The following COL11A2 variants were observed in gnomAD, a reference collection of about 807,000 sequenced individuals.
COL11A2 encodes collagen type XI alpha 2 chain.
In COL11A2, 116 loss-of-function variants were observed where a neutral mutation model predicts 273.4. The observed-to-expected ratio is 0.42, with a 90% CI of 0.36 to 0.49. The LOEUF is 0.49. Among genes scored for constraint, COL11A2 ranks in the 20% least tolerant of loss-of-function variants. COL11A2 has a pLI of 0.00. For missense variants in COL11A2, 1,866 were observed against 2,309.0 expected (o/e 0.81, Z 3.93); for synonymous variants, 782 against 864.2 (o/e 0.90, Z 1.67).
chr6:33,180,443 T>C, intron 11 of COL11A2, 111 bp from the exon 12 acceptor site: 6 of 1,069,266 alleles, frequency 5.6e-6, no homozygotes, highest in Non-Finnish European at 8.3e-6. Flanking sequence ...TTGCTCTAGC[T>C]CTTTCCTGAG....
Position 33,177,853 on chromosome 6 carries a change from G to T in COL11A2, c.1873-147C>A. ...AACACAGCTGGCCCAGGCCTGCAGTGTGTGGGACTGTGGATCTGTGGGCTT... is the reference window on the plus strand; with the variant it reads ...AACACAGCTGGCCCAGGCCTGCAGTTTGTGGGACTGTGGATCTGTGGGCTT... On this transcript the variant is annotated intron_variant, in intron 21 of 65. Transcript: ENST00000341947. The surrounding 1 kb of genome is among the most constrained non-coding windows in gnomAD (Gnocchi z 5.9). The T allele has an allele frequency of 1.1e-6, 1 of 886,252 alleles. No homozygotes were observed. Among genetic ancestry groups the T allele is most frequent in the Non-Finnish European group, 1.8e-6 (1 of 545,926 alleles). The allele number at this position is 886,252 out of a possible 1,614,324, so 54.9% of individuals were successfully genotyped here. A position where few individuals can be genotyped will look rare whatever the true frequency, so the allele number is the denominator to read the frequency against.
chr6:33,188,454 T>C lies in COL11A2; in HGVS notation c.514A>G (p.Thr172Ala), dbSNP rs1772688371. ...CGAGCACTTCGGGGGAGAGGCCGGGTGACTCGCTTCTTGCAGTCAACAATG... is the reference window on the plus strand; with the variant it reads ...CGAGCACTTCGGGGGAGAGGCCGGGCGACTCGCTTCTTGCAGTCAACAATG... ...TLIVDCKKRV[T>A]RPLPRSARPV... Residue 172 changes from threonine (T) to alanine (A), a missense_variant, in exon 4 of 66, where the codon ACC becomes GCC. Physicochemically the swap from Thr to Ala is moderately conservative, Grantham distance 58. Transcript: ENST00000341947. 1.2e-6 allele frequency: 2 copies of C among 1,612,786 alleles called. No individual in the cohort carries two copies. Among genetic ancestry groups the C allele is most frequent in the Admixed American group, 1.7e-5 (1 of 59,990 alleles).
chr6:33,178,948 C>G lies in COL11A2; in HGVS notation c.1637G>C (p.Arg546Pro). Residue 546 changes from arginine to proline, a missense_variant, in exon 17 of 66, where the codon CGA (arginine) becomes CCA (proline). Arg to Pro is a moderately radical substitution (Grantham distance 103). Coordinates refer to ENST00000341947, the MANE Select transcript of COL11A2 (RefSeq NM_080680.3). This position sits in a 1 kb window ranked among gnomAD's most constrained non-coding sequence, Gnocchi z 4.6. ...CACTCCAGGATCTCCAGGCATCCCT[C>G]GGGCTCCATCAGCACCTGCCCGGCC... Reference protein sequence around the residue: ...RRGRAGADGARGMPGDPGVKG... With the variant: ...RRGRAGADGAPGMPGDPGVKG... 2 of 1,614,086 alleles carry G rather than the reference C, an allele frequency of 1.2e-6. No homozygotes were observed. Among genetic ancestry groups the G allele is most frequent in the Non-Finnish European group, 1.7e-6 (2 of 1,180,002 alleles).
In COL11A2 at chr6:33,179,248, C is replaced by T. The variant is rs1193550425; in HGVS notation, c.1540G>A (p.Gly514Arg). The T allele has an allele frequency of 6.2e-7, 1 of 1,612,034 alleles. No homozygotes were observed. Among genetic ancestry groups the T allele is most frequent in the Non-Finnish European group, 8.5e-7 (1 of 1,179,480 alleles). The change falls in exon 15 of 66, where the codon GGA (glycine) becomes AGA (arginine). Residue 514 changes from glycine (G) to arginine (R), a missense_variant. By Grantham distance (125) the Gly-to-Arg change is moderately radical. Coordinates refer to ENST00000341947, the MANE Select transcript of COL11A2 (RefSeq NM_080680.3). This position sits in a 1 kb window ranked among gnomAD's most constrained non-coding sequence, Gnocchi z 6.4. Reference protein sequence around the residue: ...PGSPGLKGESGDLGPQGPRGP... With the variant: ...PGSPGLKGESRDLGPQGPRGP... ...GTGGTCACCTGAGGTCCTAAGTCTC[C>T]AGACTCTCCTTTCAGGCCAGGGCTC...
In COL11A2 at chr6:33,165,917, GACTCCTC is replaced by G; in HGVS notation, c.4482+7_4482+13del. The stretch of plus-strand genomic sequence containing the variant: ...GGGGTACGGCCCTGGGAGCAGCCCT[GACTCCTC>G]ACTCACCGGGTGTCCTGGAGGGCCC... On this transcript the variant is annotated splice_region_variant and intron_variant, in intron 62 of 65. Coordinates refer to ENST00000341947, the MANE Select transcript of COL11A2 (RefSeq NM_080680.3). This position sits in a 1 kb window ranked among gnomAD's most constrained non-coding sequence, Gnocchi z 7.7. The G allele has an allele frequency of 6.2e-7, 1 of 1,613,896 alleles. No individual in the cohort carries two copies. Among genetic ancestry groups the G allele is most frequent in the Non-Finnish European group, 8.5e-7 (1 of 1,180,004 alleles).
At chr6:33,187,496 G>C (rs1274313237) in intron 4 of COL11A2, among the ~76,000 whole-genome samples, 1 of 152,132 alleles carries the variant, frequency 6.6e-6, no homozygotes, top group Non-Finnish European at 1.5e-5. Context: ...GGTGAATGGA[G>C]GGATGGGTGA....
At chr6:33,174,725 C>G (rs1770665315) in intron 30 of COL11A2, 145 bp from the exon 31 acceptor site, 1 of 773,296 alleles carries the variant, frequency 1.3e-6, no homozygotes, top group Non-Finnish European at 2.2e-6. Flanking sequence ...TCATTGCTTG[C>G]CCCACAGCTG....
chr6:33,164,191 C>A lies in COL11A2; in HGVS notation c.5070+76G>T. 1 of 1,547,142 alleles carries A rather than the reference C, an allele frequency of 6.5e-7. No individual in the cohort carries two copies. Among genetic ancestry groups the A allele is most frequent in the South Asian group, 1.2e-5 (1 of 83,800 alleles). On this transcript the variant is annotated intron_variant, in intron 65 of 65. Coordinates refer to ENST00000341947, the MANE Select transcript of COL11A2 (RefSeq NM_080680.3). The surrounding 1 kb of genome is among the most constrained non-coding windows in gnomAD (Gnocchi z 4.7). ...CTCCCTGCTCCCCCTGGGTGCCCTG[C>A]CCAAGGGGTCTTCCCACCTCCTTCC...
rs753003178 is a variant in COL11A2, at chr6:33,170,788, CCT to C, written c.3474+20_3474+21del. 1 of 1,610,492 alleles carries C rather than the reference CCT, an allele frequency of 6.2e-7. No individual in the cohort carries two copies. The highest frequency in any genetic ancestry group is 1.1e-5 in the South Asian group (1 of 90,992). ...CCCATCCTGACCCCACCTCTCAGCC[CCT>C]GTCCTATCCCCCAACACACCTGTAG... On this transcript the variant is annotated intron_variant, in intron 46 of 65. Coordinates refer to ENST00000341947, the MANE Select transcript of COL11A2 (RefSeq NM_080680.3). This position sits in a 1 kb window ranked among gnomAD's most constrained non-coding sequence, Gnocchi z 4.3.
rs765304181 is a variant in COL11A2, at chr6:33,165,681, G to GC, written c.4617dup (p.Leu1540AlafsTer71). 1.2e-6 allele frequency: 2 copies of GC among 1,611,502 alleles called. No individual in the cohort carries two copies. Among genetic ancestry groups the GC allele is most frequent in the Non-Finnish European group, 1.7e-6 (2 of 1,179,976 alleles). On this transcript the variant is annotated frameshift_variant, in exon 63 of 66. Transcript: ENST00000341947. LOFTEE classifies it high-confidence loss of function. The surrounding 1 kb of genome is among the most constrained non-coding windows in gnomAD (Gnocchi z 7.7). ...TCGAGTGAGCCAAAGATCTCCTCCA[G>GC]CCCCCCAGGACTGCCGGGGGCTCCC...
rs561777123 is a variant in COL11A2, at chr6:33,171,492, C to T, written c.3233G>A (p.Gly1078Asp). The T allele has an allele frequency of 1.9e-6, 3 of 1,613,988 alleles. No homozygotes were observed. Among genetic ancestry groups the T allele is most frequent in the African/African-American group, 1.3e-5 (1 of 74,992 alleles). Residue 1078 changes from glycine (G) to aspartate (D), a missense_variant, in exon 43 of 66, where the codon GGT (glycine) becomes GAT (aspartate). Transcript: ENST00000341947. ...VGLPGPAGPP[G>D]VAGEDGDKGE... Reference sequence around the variant, plus strand: ...CTTGTCTCCATCCTCTCCAGCCACACCTGGAGGCCCAGCAGGACCAGGAAG... The same window carrying T: ...CTTGTCTCCATCCTCTCCAGCCACATCTGGAGGCCCAGCAGGACCAGGAAG...
intron 5 of COL11A2, 62 bp downstream of exon 5, chr6:33,186,565 A>G: frequency 6.2e-7 from 1 of 1,613,236 alleles, no homozygotes; most frequent in Non-Finnish European, 8.5e-7. Flanking sequence ...AGGAGGAGAG[A>G]TGCCTGGGTG....
chr6:33,164,026 G>A lies in COL11A2; in HGVS notation c.5071-208C>T, dbSNP rs1037780753. The stretch of plus-strand genomic sequence containing the variant: ...CTGCTGGGCAGCCATGTGCCAGTCT[G>A]TGTACACGTCTGCATTAACCTGTGT... On this transcript the variant is annotated intron_variant, in intron 65 of 65. Transcript: ENST00000341947. The surrounding 1 kb of genome is among the most constrained non-coding windows in gnomAD (Gnocchi z 4.7). Among the ~76,000 whole-genome samples, 1 of 152,134 alleles carries A rather than the reference G, an allele frequency of 6.6e-6. No homozygotes were observed. The highest frequency in any genetic ancestry group is 1.9e-4 in the East Asian group (1 of 5,194).
chr6:33,172,139 C>G (rs374690977), intron 40 of COL11A2, 36 bp from the exon 41 acceptor site: 5 of 1,610,376 alleles, frequency 3.1e-6, no homozygotes. Context: ...TGAGACTTCA[C>G]GAAAAGAGAA....
chr6:33,171,793 C>A lies in COL11A2; in HGVS notation c.3070G>T (p.Gly1024Ter). The change falls in exon 42 of 66, where the codon GGA becomes TGA. Residue 1024 changes from glycine (G) to a stop codon, truncating the protein, a stop_gained. Coordinates refer to ENST00000341947, the MANE Select transcript of COL11A2 (RefSeq NM_080680.3). LOFTEE classifies it high-confidence loss of function. ...GGCGGACCAATGGGTCCCCCTGATCCTGCTGCACCTCGTTCCCCAGGGGAG... is the reference window on the plus strand; with the variant it reads ...GGCGGACCAATGGGTCCCCCTGATCATGCTGCACCTCGTTCCCCAGGGGAG... ...AGSPGERGAA[G>*]SGGPIGPPGR... is the part of the protein sequence containing the mutation. 1 of 1,612,988 alleles carries A rather than the reference C, an allele frequency of 6.2e-7. No individual in the cohort carries two copies. Among genetic ancestry groups the A allele is most frequent in the Non-Finnish European group, 8.5e-7 (1 of 1,179,988 alleles).
rs1768604841 is a variant in COL11A2 at position 33,163,307 on chromosome 6, T to A, written c.*371A>T. ...TGATTTTTGTTGGCGTTTCTCTTTT[T>A]TGTTATTTTGCTTTCCACACTTTAA... On this transcript the variant is annotated 3_prime_UTR_variant, in exon 66 of 66. Coordinates refer to ENST00000341947, the MANE Select transcript of COL11A2 (RefSeq NM_080680.3). The surrounding 1 kb of genome is among the most constrained non-coding windows in gnomAD (Gnocchi z 4.1). 2 of 267,218 alleles carry A rather than the reference T, an allele frequency of 7.5e-6. No homozygotes were observed. 16.6% of individuals were successfully genotyped at this position (267,218 alleles called of 1,614,324 possible).
Position 33,176,908 on chromosome 6 carries a change from C to T in COL11A2, c.2070+84G>A, listed in dbSNP as rs894949419. 3 of 1,536,414 alleles carry T rather than the reference C, an allele frequency of 2.0e-6. No individual in the cohort carries two copies. The African/African-American group carries it at 4.1e-5, about 21-fold the overall frequency. On this transcript the variant is annotated intron_variant, in intron 25 of 65. Coordinates refer to ENST00000341947, the MANE Select transcript of COL11A2 (RefSeq NM_080680.3). This position sits in a 1 kb window ranked among gnomAD's most constrained non-coding sequence, Gnocchi z 4.9. ...AAGCACCACCAGTGACCTTTCAGTG[C>T]AAGGGTCACTAAAGGAGCTCTGAGG...
chr6:33,186,747 C>T lies in COL11A2; in HGVS notation c.678G>A (p.Leu226=), dbSNP rs1477141287. 3 of 1,614,142 alleles carry T rather than the reference C, an allele frequency of 1.9e-6. No homozygotes were observed. Among genetic ancestry groups the T allele is most frequent in the East Asian group, 4.5e-5 (2 of 44,870 alleles). ...AAYESCEQKE[L]ECEGGQRERP... ...TTTCCCTCTGGCCCCCCTCGCATTC[C>T]AGCTCCTTCTGTTCACATGATTCAT... The change falls in exon 5 of 66, where the codon CTG becomes CTA. Residue 226 remains leucine, a synonymous_variant. Transcript: ENST00000341947.
rs761141788 is a variant in COL11A2 at position 33,173,742 on chromosome 6, T to A, written c.2587A>T (p.Thr863Ser). The A allele has an allele frequency of 3.8e-6, 6 of 1,590,678 alleles. No homozygotes were observed. The African/African-American group carries it at 8.1e-5, about 21-fold the overall frequency. The stretch of plus-strand genomic sequence containing the variant: ...CCATGGGGGCCATCACCACCAGATG[T>A]TCCCTGTGGGGGGAAACAGAGTCAA... ...GATGKSGAKG[T>S]SGGDGPHGPP... is the part of the protein sequence containing the mutation. Residue 863 changes from threonine (T) to serine (S), a missense_variant, in exon 35 of 66, where the codon ACA becomes TCA. Physicochemically the swap from Thr to Ser is moderately conservative, Grantham distance 58. Transcript: ENST00000341947. The surrounding 1 kb of genome is among the most constrained non-coding windows in gnomAD (Gnocchi z 6.3).
Sources: gnomAD v4.1 joint callset for allele counts (sites outside exome capture counted in the v4.1 genomes callset) on GRCh38, gnomAD v4.1.1 for gene constraint, Gnocchi (gnomAD v3.1) non-coding constraint, MANE v1.5 for transcripts, NCBI Gene and HGNC (gene_info 2026-07-23, HGNC 2026-07-21) for gene names.